The following ADGRL2 variants were observed in gnomAD, a reference collection of about 807,000 sequenced individuals.
The protein encoded by ADGRL2 is calcium-independent alpha-latrotoxin receptor 2.
A neutral mutation model predicts 157.4 loss-of-function variants in ADGRL2; 44 were observed. The observed-to-expected ratio is 0.28, with a 90% CI of 0.22 to 0.36. The LOEUF (loss-of-function observed/expected upper bound fraction) is 0.36. Ranked by LOEUF, ADGRL2 falls within the 10% of genes least tolerant of loss-of-function variation. The probability of loss-of-function intolerance (pLI) is 1.00; values close to 1 mark genes in which losing one functional copy is unlikely to be tolerated. For synonymous variants in ADGRL2, 585 were observed against 624.7 expected, an observed-to-expected ratio of 0.94 and a Z score of 0.95; for missense variants, 1,510 against 1,768.9, an observed-to-expected ratio of 0.85 and a Z score of 2.63.
intron 2 of ADGRL2, among the ~76,000 whole-genome samples, chr1:81,500,234 A>G (rs2078817855): frequency 6.6e-6 from 1 of 152,192 alleles, no homozygotes; most frequent in Non-Finnish European, 1.5e-5. Context: ...CTACTGTGGA[A>G]ATAGTATGGT....
chr1:81,966,025 T>C (rs759846187), intron 11 of ADGRL2, 33 bp from the exon 12 acceptor site: 13 of 1,608,136 alleles, frequency 8.1e-6, no homozygotes, highest in South Asian at 2.2e-5. Context: ...GAATCCTTTT[T>C]TCCCCACCTC....
intron 2 of ADGRL2, among the ~76,000 whole-genome samples, chr1:81,883,998 T>C (rs1431818609): frequency 7.9e-5 from 12 of 151,548 alleles, no homozygotes; most frequent in African/African-American, 4.8e-5. Flanking sequence ...AATTGTCTTT[T>C]TTTTTTTTTT....
rs2793384 is a variant in ADGRL2, at chr1:81,839,863, A to G, written c.73+2806A>G. ...TATGTTTTCCATCATATATATATAT[A>G]TTTTCCATCATATATATATATTTTC... is the stretch of plus-strand genomic sequence containing the variant. On this transcript the variant is annotated intron_variant, in intron 2 of 23. Coordinates refer to ENST00000686636, the MANE Select transcript of ADGRL2 (RefSeq NM_001366006.2). Among the ~76,000 whole-genome samples the G allele has an allele frequency of 2.4e-4, 26 of 110,164 alleles. 1 individual carries two copies. Among genetic ancestry groups the G allele is most frequent in the Admixed American group, 2.2e-3 (23 of 10,364 alleles). The allele number at this position is 110,164 out of a possible 152,430, so 72.3% of individuals were successfully genotyped here.
chr1:81,473,903 C>G (rs2078222141), intron 2 of ADGRL2, among the ~76,000 whole-genome samples: 2 of 152,320 alleles, frequency 1.3e-5, no homozygotes, highest in South Asian at 4.1e-4. Context: ...GTTGCAAACA[C>G]TCTTGGGAGG....
intron 2 of ADGRL2, among the ~76,000 whole-genome samples, chr1:81,508,897 A>T (rs746887353): frequency 3.9e-5 from 6 of 152,206 alleles, no homozygotes; most frequent in Non-Finnish European, 7.3e-5. Flanking sequence ...TGGTTAGAAC[A>T]ACTAACCTCA....
chr1:81,319,631 G>T (rs1328203259), intron 1 of ADGRL2, among the ~76,000 whole-genome samples: 2 of 152,102 alleles, frequency 1.3e-5, no homozygotes, highest in African/African-American at 4.8e-5. Context: ...TCTAGTGAAT[G>T]GTTCTATAAA....
At chr1:81,504,488 CTTTTTTT>C (rs200190016) in intron 2 of ADGRL2, among the ~76,000 whole-genome samples, 1 of 149,702 alleles carries the variant, frequency 6.7e-6, no homozygotes, top group African/African-American at 2.4e-5. Flanking sequence ...GTTTTGCTGA[CTTTTTTT>C]TTTATTTTAA....
chr1:81,854,460 G>T (rs1314872019), intron 2 of ADGRL2, among the ~76,000 whole-genome samples: 1 of 152,134 alleles, frequency 6.6e-6, no homozygotes, highest in African/African-American at 2.4e-5. Context: ...ACTCTCATCA[G>T]CTATGTGAAC....
chr1:81,742,736 A>C (rs2085112863), intron 1 of ADGRL2, among the ~76,000 whole-genome samples: 2 of 152,068 alleles, frequency 1.3e-5, no homozygotes, highest in South Asian at 2.1e-4. Flanking sequence ...TGAATGCATA[A>C]CTGAATGAAT....
intron 1 of ADGRL2, among the ~76,000 whole-genome samples, chr1:81,358,797 A>G (rs1406738149): frequency 6.6e-6 from 1 of 152,178 alleles, no homozygotes; most frequent in East Asian, 1.9e-4. Flanking sequence ...GGAAAGCAAG[A>G]TAGTAATTAA....
intron 2 of ADGRL2, among the ~76,000 whole-genome samples, chr1:81,580,156 G>A (rs764752150): frequency 2.0e-5 from 3 of 152,124 alleles, no homozygotes; most frequent in Non-Finnish European, 4.4e-5. Context: ...TAGAGAAGCC[G>A]TAATCCACTG....
intron 2 of ADGRL2, among the ~76,000 whole-genome samples, chr1:81,464,141 C>T (rs1303470734): frequency 2.6e-5 from 4 of 152,186 alleles, no homozygotes; most frequent in Non-Finnish European, 5.9e-5. Context: ...AAACTCCCGT[C>T]AAATACAAAT....
At chr1:81,336,050 GA>G (rs1661621031) in intron 1 of ADGRL2, among the ~76,000 whole-genome samples, 2 of 152,132 alleles carry the variant, frequency 1.3e-5, no homozygotes, top group Non-Finnish European at 2.9e-5. Flanking sequence ...CTGTTTGTAA[GA>G]CAAGGGAGAT....
intron 2 of ADGRL2, among the ~76,000 whole-genome samples, chr1:81,555,598 C>T (rs1033342171): frequency 6.6e-6 from 1 of 152,000 alleles, no homozygotes; most frequent in South Asian, 2.1e-4. Context: ...ATTAGCAATT[C>T]GACAGAGAAT....
chr1:81,978,920 T>G lies in ADGRL2; in HGVS notation c.3022-949T>G, dbSNP rs375194263. Among the ~76,000 whole-genome samples, 14 of 151,888 alleles carry G rather than the reference T, an allele frequency of 9.2e-5. No homozygotes were observed. The East Asian group carries it at 1.6e-3, about 17-fold the overall frequency. Reference sequence around the variant, plus strand: ...AACGTACAGCTCACAAAATGACTTTTTTTTCCTTTTAAAAAGTAATCTAAA... The same window carrying G: ...AACGTACAGCTCACAAAATGACTTTGTTTTCCTTTTAAAAAGTAATCTAAA... On this transcript the variant is annotated intron_variant, in intron 17 of 23. Transcript: ENST00000686636.
chr1:81,869,721 T>A (rs1306467607), intron 2 of ADGRL2, among the ~76,000 whole-genome samples: 2 of 152,044 alleles, frequency 1.3e-5, no homozygotes, highest in African/African-American at 4.8e-5. Context: ...AAAAATATAA[T>A]TTGTGACTCA....
intron 3 of ADGRL2, among the ~76,000 whole-genome samples, chr1:81,920,796 A>G (rs942383318): frequency 2.0e-5 from 3 of 151,844 alleles, no homozygotes; most frequent in Non-Finnish European, 2.9e-5. Flanking sequence ...TTGTTATCCA[A>G]CCAAAGAAAA....
chr1:81,642,470 T>C (rs1434828310), intron 3 of ADGRL2, among the ~76,000 whole-genome samples: 1 of 150,414 alleles, frequency 6.6e-6, no homozygotes, highest in Non-Finnish European at 1.5e-5. Context: ...AGACACAACC[T>C]GCCAAAACTC....
At chr1:81,447,095 TA>T (rs2077611310) in intron 2 of ADGRL2, among the ~76,000 whole-genome samples, 1 of 152,106 alleles carries the variant, frequency 6.6e-6, no homozygotes. Flanking sequence ...TAAAATCATT[TA>T]AAGGGGCAAA....
Sources: allele counts gnomAD v4.1 joint callset (sites outside exome capture counted in the v4.1 genomes callset), GRCh38; gene constraint gnomAD v4.1.1; transcripts MANE v1.5; gene names NCBI Gene and HGNC (gene_info 2026-07-23, HGNC 2026-07-21).